The following IL1RAPL1 variants were observed in gnomAD, a reference collection of about 807,000 sequenced individuals.
IL1RAPL1 encodes interleukin 1 receptor accessory protein like 1, also known as interleukin-1 receptor accessory protein-like 1.
In IL1RAPL1, 3 loss-of-function variants were observed where a neutral mutation model predicts 48.4. That is an observed-to-expected ratio of 0.06 (90% CI 0.03 to 0.16). IL1RAPL1 has a LOEUF of 0.16. Among genes scored for constraint, IL1RAPL1 ranks in the 10% least tolerant of loss-of-function variants. The pLI is 1.00. For missense variants in IL1RAPL1, 349 were observed against 530.6 expected, an observed-to-expected ratio of 0.66 and a Z score of 3.36; for synonymous variants, 185 against 187.7, an observed-to-expected ratio of 0.99 and a Z score of 0.12.
intron 3 of IL1RAPL1, among the ~76,000 whole-genome samples, chrX:29,320,473 T>C (rs1932796185): frequency 8.9e-6 from 1 of 111,843 alleles, no homozygotes; most frequent in African/African-American, 3.2e-5. Flanking sequence ...TCCAAAATAG[T>C]GTTATAAGAA....
intron 2 of IL1RAPL1, among the ~76,000 whole-genome samples, chrX:29,096,622 A>G (rs1338235002): frequency 2.7e-5 from 3 of 111,373 alleles, no homozygotes; most frequent in South Asian, 3.7e-4. Context: ...AGTATTCACA[A>G]TATCTCTTCC....
intron 2 of IL1RAPL1, among the ~76,000 whole-genome samples, chrX:28,808,200 C>A (rs1936753282): frequency 9.0e-6 from 1 of 111,108 alleles, no homozygotes; most frequent in Non-Finnish European, 1.9e-5. Context: ...TGTGAAGAAA[C>A]CTTGAGACAA....
intron 1 of IL1RAPL1, among the ~76,000 whole-genome samples, chrX:28,734,997 C>CTG (rs1027508966): frequency 1.8e-5 from 2 of 111,991 alleles, no homozygotes; most frequent in Non-Finnish European, 3.8e-5. Flanking sequence ...AAATTACTTA[C>CTG]TGTGGCATCC....
intron 1 of IL1RAPL1, among the ~76,000 whole-genome samples, chrX:28,734,920 C>T (rs891295830): frequency 1.8e-5 from 2 of 112,051 alleles, no homozygotes; most frequent in Non-Finnish European, 3.8e-5. Flanking sequence ...AAGATACCTG[C>T]ATGATATAGG....
chrX:29,768,647 A>G (rs1177693905), intron 6 of IL1RAPL1, among the ~76,000 whole-genome samples: 1 of 111,790 alleles, frequency 8.9e-6, no homozygotes, highest in East Asian at 2.8e-4. Flanking sequence ...TTTCCCAGTG[A>G]TGTGTACACT....
chrX:29,356,640 T>G (rs778114580), intron 3 of IL1RAPL1, among the ~76,000 whole-genome samples: 1 of 111,121 alleles, frequency 9.0e-6, no homozygotes, highest in Admixed American at 9.6e-5. Flanking sequence ...AGTGGGCATC[T>G]ACTACATTTG....
intron 2 of IL1RAPL1, among the ~76,000 whole-genome samples, chrX:28,985,761 G>A (rs924809982): frequency 1.9e-5 from 2 of 105,578 alleles, no homozygotes; most frequent in Non-Finnish European, 3.8e-5. Context: ...CCGGGTTCAC[G>A]CCATTCTCCT....
chrX:29,071,082 A>G (rs1288279977), intron 2 of IL1RAPL1, among the ~76,000 whole-genome samples: 1 of 112,049 alleles, frequency 8.9e-6, no homozygotes, highest in Non-Finnish European at 1.9e-5. Context: ...CTGAAGATTG[A>G]AAAAGAAATA....
At chrX:28,832,964 C>T (rs1601923032) in intron 2 of IL1RAPL1, among the ~76,000 whole-genome samples, 1 of 108,959 alleles carries the variant, frequency 9.2e-6, no homozygotes, top group East Asian at 2.9e-4. Flanking sequence ...TTTTTCAACC[C>T]TCCCTACCCC....
chrX:28,882,076 G>C lies in IL1RAPL1; in HGVS notation c.82+92651G>C, dbSNP rs780763488. 1.3e-4 allele frequency among the ~76,000 whole-genome samples: 14 copies of C among 110,098 alleles called. No individual in the cohort carries two copies. The East Asian group carries it at 2.3e-3, about 18-fold the overall frequency. ...AGAAACCCCAAAAGATCCACACAGAGACACACTATAATTACATTTTAGAAA... is the reference window on the plus strand; with the variant it reads ...AGAAACCCCAAAAGATCCACACAGACACACACTATAATTACATTTTAGAAA... On this transcript the variant is annotated intron_variant, in intron 2 of 10. Transcript: ENST00000378993.
At chrX:28,638,641 G>A (rs1934495383) in intron 1 of IL1RAPL1, among the ~76,000 whole-genome samples, 1 of 108,736 alleles carries the variant, frequency 9.2e-6, no homozygotes, top group South Asian at 4.0e-4. Context: ...AATAAGGGAT[G>A]GGAAATGACA....
chrX:29,824,291 A>G (rs1930683992), intron 6 of IL1RAPL1, among the ~76,000 whole-genome samples: 1 of 111,570 alleles, frequency 9.0e-6, no homozygotes, highest in African/African-American at 3.3e-5. Context: ...ATTAATGAAT[A>G]AAGTCAAACA....
chrX:29,571,851 A>T (rs996322723), intron 5 of IL1RAPL1, among the ~76,000 whole-genome samples: 3 of 110,664 alleles, frequency 2.7e-5, no homozygotes, highest in African/African-American at 9.8e-5. Context: ...CAGAATTGAG[A>T]CTCCCTGAAG....
intron 6 of IL1RAPL1, among the ~76,000 whole-genome samples, chrX:29,890,364 T>A (rs1473817465): frequency 8.9e-6 from 1 of 111,876 alleles, no homozygotes; most frequent in Non-Finnish European, 1.9e-5. Flanking sequence ...CTAATCCCTC[T>A]CCTTTCTAAT....
At chrX:28,803,507 G>A (rs1265834734) in intron 2 of IL1RAPL1, among the ~76,000 whole-genome samples, 1 of 111,498 alleles carries the variant, frequency 9.0e-6, no homozygotes, top group Non-Finnish European at 1.9e-5. Context: ...ATTATTGGTC[G>A]GCAATGTTTT....
chrX:29,614,216 T>C (rs1312756123), intron 5 of IL1RAPL1, among the ~76,000 whole-genome samples: 3 of 111,822 alleles, frequency 2.7e-5, no homozygotes, highest in African/African-American at 9.8e-5. Flanking sequence ...GCCAATGTCA[T>C]ACTTGCCTTG....
chrX:29,922,065 G>A (rs1211259495), intron 8 of IL1RAPL1, among the ~76,000 whole-genome samples: 3 of 110,723 alleles, frequency 2.7e-5, no homozygotes, highest in Non-Finnish European at 5.7e-5. Context: ...ATTTTGGGGG[G>A]GGACAAGGGA....
chrX:29,941,215 C>A (rs751337592), intron 8 of IL1RAPL1, among the ~76,000 whole-genome samples: 1 of 112,209 alleles, frequency 8.9e-6, no homozygotes, highest in Non-Finnish European at 1.9e-5. Context: ...CAAAAGTCAT[C>A]CTGGCTTAAA....
intron 6 of IL1RAPL1, among the ~76,000 whole-genome samples, chrX:29,870,263 G>A (rs1931773328): frequency 8.9e-6 from 1 of 112,390 alleles, no homozygotes; most frequent in Admixed American, 9.4e-5. Context: ...TTCTGCATTA[G>A]TTCTTCTGCT....
Sources: gnomAD v4.1 joint callset for allele counts (sites outside exome capture counted in the v4.1 genomes callset) on GRCh38, gnomAD v4.1.1 for gene constraint, MANE v1.5 for transcripts, NCBI Gene and HGNC (gene_info 2026-07-23, HGNC 2026-07-21) for gene names.